PTPRQ: variants seen among roughly 807,000 people sequenced by gnomAD.
PTPRQ encodes the protein phosphatidylinositol phosphatase PTPRQ.
Under a neutral mutation model 246.0 loss-of-function variants are expected in PTPRQ, and 199 were observed. That is an observed-to-expected ratio of 0.81 (90% CI 0.72 to 0.91). The LOEUF (loss-of-function observed/expected upper bound fraction) is 0.91, where lower values mean the gene tolerates loss of function less well. PTPRQ is among the 40% of genes least tolerant of loss of function. The pLI, the probability that PTPRQ is intolerant of heterozygous loss-of-function variation, is 0.00. For missense variants in PTPRQ, 2,624 were observed against 2,528.4 expected (o/e 1.04, Z -0.81); for synonymous variants, 869 against 853.2 (o/e 1.02, Z -0.32).
intron 21 of PTPRQ, 76 bp from the exon 22 acceptor site, chr12:80,542,013 C>A: frequency 6.7e-7 from 1 of 1,490,296 alleles, no homozygotes; most frequent in Non-Finnish European, 8.9e-7. Context: ...AAAATCAAAT[C>A]CCATTATGAT....
Position 80,506,125 on chromosome 12 carries a change from A to C in PTPRQ, c.2374A>C (p.Lys792Gln), listed in dbSNP as rs1465021583. ...AAGTAGTCCCAATGGAATCATACAA[A>C]AATATACAATTTATCTCAAGAGAAG... is the stretch of plus-strand genomic sequence containing the variant. The part of the protein sequence containing the change: ...PPSSPNGIIQ[K>Q]YTIYLKRSNG... Residue 792 changes from lysine (K) to glutamine (Q), a missense_variant, in exon 15 of 45, where the codon AAA becomes CAA. By Grantham distance (53) the Lys-to-Gln change is moderately conservative. Transcript: ENST00000644991. 5 of 1,540,720 alleles carry C rather than the reference A, an allele frequency of 3.2e-6. No homozygotes were observed. Among genetic ancestry groups the C allele is most frequent in the Non-Finnish European group, 3.5e-6 (4 of 1,142,982 alleles).
chr12:80,670,159 T>G lies in PTPRQ; in HGVS notation c.6454-185T>G, dbSNP rs10506831. Among the ~76,000 whole-genome samples the G allele has an allele frequency of 0.17, 25,371 of 152,136 alleles. 2,839 individuals carry two copies. The highest frequency in any genetic ancestry group is 0.24 in the Non-Finnish European group (16,423 of 67,964). Reference sequence around the variant, plus strand: ...AGCTTTCTTATGTTTTCATTCATATTGAAAGGCAATTCTCTTTATTGTAAC... The same window carrying G: ...AGCTTTCTTATGTTTTCATTCATATGGAAAGGCAATTCTCTTTATTGTAAC... On this transcript the variant is annotated intron_variant, in intron 41 of 44. Transcript: ENST00000644991.
chr12:80,533,468 G>A (rs2400724), intron 17 of PTPRQ, among the ~76,000 whole-genome samples: 147,972 of 152,118 alleles, frequency 0.97, 72,189 homozygotes, highest in African/African-American at 0.99. Flanking sequence ...ATATACATAC[G>A]TTGTTTCCAA....
At chr12:80,670,596 T>C in intron 42 of PTPRQ, 104 bp downstream of exon 42, 1 of 1,385,466 alleles carries the variant, frequency 7.2e-7, no homozygotes, top group South Asian at 1.9e-5. Context: ...TCTTCCAGCT[T>C]GCCGTCTTCA....
At chr12:80,588,055 A>T in intron 25 of PTPRQ, 74 bp from the exon 26 acceptor site, 1 of 1,413,610 alleles carries the variant, frequency 7.1e-7, no homozygotes. Flanking sequence ...TCCATAATAG[A>T]ATTCTATTCT....
rs2121079519 is a variant in PTPRQ, at chr12:80,605,048, T to G, written c.4610-11T>G. On this transcript the variant is annotated splice_polypyrimidine_tract_variant and intron_variant, in intron 26 of 44. Transcript: ENST00000644991. ...TAATGTAGCTAGATAATTAATTTTCTATTGTCATAGCTCCAGATGGTCCTC... is the reference window on the plus strand; with the variant it reads ...TAATGTAGCTAGATAATTAATTTTCGATTGTCATAGCTCCAGATGGTCCTC... 4 of 1,534,074 alleles carry G rather than the reference T, an allele frequency of 2.6e-6. No individual in the cohort carries two copies. In the South Asian group the frequency reaches 3.7e-5, roughly 14 times the overall value.
At chr12:80,636,129 C>A (rs1899639087) in intron 35 of PTPRQ, among the ~76,000 whole-genome samples, 1 of 152,106 alleles carries the variant, frequency 6.6e-6, no homozygotes, top group South Asian at 2.1e-4. Context: ...CACTAAATTG[C>A]AGGGAAATGT....
intron 35 of PTPRQ, among the ~76,000 whole-genome samples, chr12:80,635,531 G>T (rs1009991677): frequency 2.0e-5 from 3 of 151,892 alleles, no homozygotes; most frequent in African/African-American, 7.2e-5. Context: ...AAAAGTCTAA[G>T]TTGTATATGA....
chr12:80,604,911 A>G (rs1050686545), intron 26 of PTPRQ, 148 bp from the exon 27 acceptor site: 2 of 749,440 alleles, frequency 2.7e-6, no homozygotes, highest in Non-Finnish European at 1.8e-6. Context: ...TTATTTGGTA[A>G]TGCCTTTAGC....
At position 80,542,739 on chromosome 12, in the gene PTPRQ, C is replaced by T; in HGVS notation, c.3731C>T (p.Ala1244Val). 1 of 1,543,284 alleles carries T rather than the reference C, an allele frequency of 6.5e-7. No homozygotes were observed. The highest frequency in any genetic ancestry group is 8.7e-7 in the Non-Finnish European group (1 of 1,144,160). ...ATGTGTTTTCCTACAGTGCCGTTAGCACCTCCACAAAATTTGACTTTAATC... is the reference window on the plus strand; with the variant it reads ...ATGTGTTTTCCTACAGTGCCGTTAGTACCTCCACAAAATTTGACTTTAATC... ...FFYTDESVPLAPPQNLTLINC... is the reference protein window; with the variant it reads ...FFYTDESVPLVPPQNLTLINC... The change falls in exon 23 of 45, where the codon GCA (alanine) becomes GTA (valine). Residue 1244 changes from alanine to valine, a missense_variant. Physicochemically the swap from Ala to Val is moderately conservative, Grantham distance 64. Coordinates refer to ENST00000644991, the MANE Select transcript of PTPRQ (RefSeq NM_001145026.2).
At chr12:80,646,128 AACAGT>A (rs1900064117) in intron 35 of PTPRQ, among the ~76,000 whole-genome samples, 1 of 152,154 alleles carries the variant, frequency 6.6e-6, no homozygotes, top group Non-Finnish European at 1.5e-5. Context: ...TCAATTGTAG[AACAGT>A]ATGGATAGGA....
At chr12:80,597,006 T>C (rs1385812806) in intron 26 of PTPRQ, among the ~76,000 whole-genome samples, 1 of 151,986 alleles carries the variant, frequency 6.6e-6, no homozygotes, top group East Asian at 1.9e-4. Context: ...TCTTAGATCT[T>C]GACTAGGACT....
At chr12:80,523,192 G>T (rs979229551) in intron 17 of PTPRQ, among the ~76,000 whole-genome samples, 1 of 152,146 alleles carries the variant, frequency 6.6e-6, no homozygotes, top group Admixed American at 6.5e-5. Context: ...TTGTATTTCT[G>T]TGGGATCGGT....
intron 9 of PTPRQ, among the ~76,000 whole-genome samples, chr12:80,486,586 C>T (rs1022543925): frequency 6.6e-6 from 1 of 152,096 alleles, no homozygotes; most frequent in Admixed American, 6.6e-5. Flanking sequence ...CTTATATAGC[C>T]ACCTTACAGG....
In PTPRQ at chr12:80,472,081, A is replaced by G. The variant is rs768247368; in HGVS notation, c.1040-24A>G. 3.0e-4 allele frequency: 465 copies of G among 1,550,754 alleles called. 3 individuals are homozygous for G. The Middle Eastern group carries it at 0.012, about 39-fold the overall frequency. On this transcript the variant is annotated intron_variant, in intron 7 of 44. Coordinates refer to ENST00000644991, the MANE Select transcript of PTPRQ (RefSeq NM_001145026.2). ...TTGCACGCTTGATAAAAAATAATCC[A>G]TAGCTATCTTCCACTTTTTGCAGGT...
chr12:80,619,682 A>G, intron 31 of PTPRQ, 140 bp downstream of exon 31: 1 of 539,136 alleles, frequency 1.9e-6, no homozygotes, highest in Non-Finnish European at 2.8e-6. Flanking sequence ...ATTATTATTA[A>G]TGATACCAAT....
At chr12:80,594,282 A>G (rs140047749) in intron 26 of PTPRQ, among the ~76,000 whole-genome samples, 3 of 152,306 alleles carry the variant, frequency 2.0e-5, no homozygotes, top group African/African-American at 7.2e-5. Context: ...TATAATGGTA[A>G]GAAGTGATTT....
intron 23 of PTPRQ, among the ~76,000 whole-genome samples, chr12:80,544,430 A>C (rs1052294948): frequency 6.6e-6 from 1 of 152,308 alleles, no homozygotes; most frequent in African/African-American, 2.4e-5. Flanking sequence ...AGATTTGTAA[A>C]CAGGTTTTCT....
At chr12:80,463,428 G>C (rs1357857565) in intron 6 of PTPRQ, among the ~76,000 whole-genome samples, 1 of 152,326 alleles carries the variant, frequency 6.6e-6, no homozygotes, top group African/African-American at 2.4e-5. Context: ...ATGGAATCAA[G>C]TTGGAAAACA....
Sources: gnomAD v4.1 joint callset for allele counts (sites outside exome capture counted in the v4.1 genomes callset) on GRCh38, gnomAD v4.1.1 for gene constraint, MANE v1.5 for transcripts, NCBI Gene and HGNC (gene_info 2026-07-23, HGNC 2026-07-21) for gene names.